The following PPM1L variants were observed in gnomAD, a reference collection of about 807,000 sequenced individuals.
PPM1L encodes the protein protein phosphatase, Mg2+/Mn2+ dependent 1L.
A neutral mutation model predicts 31.4 loss-of-function variants in PPM1L; 13 were observed. The observed-to-expected ratio is 0.41, with a 90% confidence interval of 0.27 to 0.66. The LOEUF (loss-of-function observed/expected upper bound fraction) is 0.66, where lower values mean the gene tolerates loss of function less well. PPM1L is among the 30% of genes least tolerant of loss of function. The probability of loss-of-function intolerance (pLI) is 0.29; values close to 1 mark genes in which losing one functional copy is unlikely to be tolerated. For missense variants in PPM1L, 326 were observed against 453.7 expected (o/e 0.72, Z 2.56); for synonymous variants, 184 against 175.4 (o/e 1.05, Z -0.39).
At chr3:160,951,564 A>C (rs1439004389) in intron 1 of PPM1L, among the ~76,000 whole-genome samples, 2 of 152,240 alleles carry the variant, frequency 1.3e-5, no homozygotes, top group Non-Finnish European at 2.9e-5. Context: ...ATGTACAAAA[A>C]CATCCATCTG....
At position 161,065,454 on chromosome 3, in the gene PPM1L, ACGTGGGTGACTCG is replaced by A. The variant is rs1452877090; in HGVS notation, c.629_641del (p.Val210AlafsTer23). 1 of 1,614,126 alleles carries A rather than the reference ACGTGGGTGACTCG, an allele frequency of 6.2e-7. No individual in the cohort carries two copies. Among genetic ancestry groups the A allele is most frequent in the African/African-American group, 1.3e-5 (1 of 75,040 alleles). ...TCAGATAAAGACCTCACTGTGGCCA[ACGTGGGTGACTCG>A]CGCGGGGTCCTGTGTGACAAAGATG... On this transcript the variant is annotated frameshift_variant, in exon 3 of 4. Transcript: ENST00000498165. LOFTEE classifies it high-confidence loss of function.
intron 2 of PPM1L, among the ~76,000 whole-genome samples, chr3:161,058,118 CT>C (rs1186931971): frequency 3.0e-3 from 167 of 54,908 alleles, no homozygotes; most frequent in African/African-American, 7.4e-3. Flanking sequence ...ATTTTCTTTC[CT>C]TTTTTTTTTT....
intron 2 of PPM1L, among the ~76,000 whole-genome samples, chr3:160,974,391 A>C (rs1470560358): frequency 1.3e-5 from 2 of 152,052 alleles, no homozygotes; most frequent in Admixed American, 1.3e-4. Context: ...ATATCCAGTA[A>C]TGGGATGGCT....
At chr3:160,935,311 A>G (rs1057465193) in intron 1 of PPM1L, among the ~76,000 whole-genome samples, 10 of 152,192 alleles carry the variant, frequency 6.6e-5, no homozygotes, top group African/African-American at 2.4e-4. Flanking sequence ...TGTTGCTCTT[A>G]TCTCCACCCT....
At chr3:160,785,828 C>T (rs1490946236) in intron 1 of PPM1L, among the ~76,000 whole-genome samples, 1 of 147,230 alleles carries the variant, frequency 6.8e-6, no homozygotes, top group Admixed American at 6.8e-5. Flanking sequence ...GACAGCGGTG[C>T]ACTGTTTTTT....
At chr3:161,053,582 C>T (rs751480562) in intron 2 of PPM1L, among the ~76,000 whole-genome samples, 4 of 152,212 alleles carry the variant, frequency 2.6e-5, no homozygotes, top group Non-Finnish European at 2.9e-5. Context: ...CACATCTATA[C>T]TTTAACTCTG....
rs577130561 is a variant in PPM1L, at chr3:160,975,530, G to A, written c.574+13620G>A. 1.2e-3 allele frequency among the ~76,000 whole-genome samples: 184 copies of A among 152,232 alleles called. 1 individual carries two copies. Among genetic ancestry groups the A allele is most frequent in the African/African-American group, 4.2e-3 (175 of 41,536 alleles). On this transcript the variant is annotated intron_variant, in intron 2 of 3. Transcript: ENST00000498165. ...GCATGGAATGTTCTTCCATTTGTTT[G>A]TATCCTTTTTTATTTCCTTGAGCAG... is the stretch of plus-strand genomic sequence containing the variant.
At chr3:160,912,800 T>C (rs1213017678) in intron 1 of PPM1L, among the ~76,000 whole-genome samples, 8 of 152,128 alleles carry the variant, frequency 5.3e-5, no homozygotes, top group Non-Finnish European at 1.2e-4. Context: ...ACTGTGAGGA[T>C]TAAAATGCTG....
chr3:161,029,637 A>T (rs926750264), intron 2 of PPM1L, among the ~76,000 whole-genome samples: 8 of 152,260 alleles, frequency 5.3e-5, no homozygotes, highest in Admixed American at 3.3e-4. Context: ...AGAAAACCTT[A>T]ATCTATTTCC....
intron 1 of PPM1L, among the ~76,000 whole-genome samples, chr3:160,954,544 A>G (rs1386873473): frequency 6.6e-6 from 1 of 151,814 alleles, no homozygotes; most frequent in Non-Finnish European, 1.5e-5. Context: ...TTGTATTTTT[A>G]GTAGAGACAG....
intron 1 of PPM1L, among the ~76,000 whole-genome samples, chr3:160,923,512 A>G (rs1714483121): frequency 6.6e-6 from 1 of 152,192 alleles, no homozygotes; most frequent in Non-Finnish European, 1.5e-5. Flanking sequence ...GGCATATGCA[A>G]CTGGTTTCTG....
chr3:160,759,386 A>T (rs1164397896), intron 1 of PPM1L, among the ~76,000 whole-genome samples: 1 of 152,086 alleles, frequency 6.6e-6, no homozygotes, highest in African/African-American at 2.4e-5. Flanking sequence ...TTGTACATCC[A>T]TTTCATCTGT....
At chr3:161,002,555 C>T (rs372283874) in intron 2 of PPM1L, among the ~76,000 whole-genome samples, 3 of 150,490 alleles carry the variant, frequency 2.0e-5, no homozygotes, top group Non-Finnish European at 4.4e-5. Flanking sequence ...TGGTATCTCA[C>T]TGTGGTTTTG....
intron 1 of PPM1L, among the ~76,000 whole-genome samples, chr3:160,879,688 C>T (rs1026260775): frequency 1.8e-4 from 28 of 152,196 alleles, no homozygotes; most frequent in Admixed American, 1.3e-3. Flanking sequence ...ATTGGTCAAT[C>T]AAATCAGAAT....
intron 2 of PPM1L, among the ~76,000 whole-genome samples, chr3:161,052,770 A>G (rs1719313259): frequency 6.6e-6 from 1 of 152,248 alleles, no homozygotes; most frequent in Non-Finnish European, 1.5e-5. Flanking sequence ...AATTAAAACT[A>G]TAGGGAAGAG....
chr3:161,060,123 T>C lies in PPM1L; in HGVS notation c.575-5280T>C, dbSNP rs113567136. On this transcript the variant is annotated intron_variant, in intron 2 of 3. Coordinates refer to ENST00000498165, the MANE Select transcript of PPM1L (RefSeq NM_139245.4). Reference sequence around the variant, plus strand: ...AAATAGTCTAAATAAATAAGCAAGATATCTACATAATTGTGTGTTGTAAGG... The same window carrying C: ...AAATAGTCTAAATAAATAAGCAAGACATCTACATAATTGTGTGTTGTAAGG... 1.2e-3 allele frequency among the ~76,000 whole-genome samples: 177 copies of C among 152,274 alleles called. 1 individual carries two copies. Among genetic ancestry groups the C allele is most frequent in the African/African-American group, 3.9e-3 (164 of 41,554 alleles).
chr3:160,773,877 C>T (rs889964960), intron 1 of PPM1L, among the ~76,000 whole-genome samples: 1 of 152,066 alleles, frequency 6.6e-6, no homozygotes, highest in African/African-American at 2.4e-5. Flanking sequence ...ATGACACCAC[C>T]TATGTTTCTC....
At chr3:160,978,929 A>G (rs1338001200) in intron 2 of PPM1L, among the ~76,000 whole-genome samples, 3 of 152,024 alleles carry the variant, frequency 2.0e-5, no homozygotes, top group African/African-American at 7.2e-5. Context: ...GGACAGGAAA[A>G]TGCATCTGAA....
chr3:160,915,296 T>C (rs11924510), intron 1 of PPM1L, among the ~76,000 whole-genome samples: 63,213 of 151,892 alleles, frequency 0.42, 14,655 homozygotes, highest in Non-Finnish European at 0.54. Flanking sequence ...CATGAGTGAA[T>C]TCCCATTCAC....
Sources: allele counts gnomAD v4.1 joint callset (sites outside exome capture counted in the v4.1 genomes callset), GRCh38; gene constraint gnomAD v4.1.1; transcripts MANE v1.5; gene names NCBI Gene and HGNC (gene_info 2026-07-23, HGNC 2026-07-21).